The following TMTC1 variants were observed in gnomAD, a reference collection of about 807,000 sequenced individuals.
The protein encoded by TMTC1 is transmembrane O-mannosyltransferase targeting cadherins 1, also known as protein O-mannosyl-transferase TMTC1.
Under a neutral mutation model 104.8 loss-of-function variants are expected in TMTC1, and 73 were observed. The observed-to-expected ratio is 0.70, with a 90% confidence interval of 0.58 to 0.85. The LOEUF (loss-of-function observed/expected upper bound fraction) is 0.85, where lower values mean the gene tolerates loss of function less well. Ranked by LOEUF, TMTC1 falls within the 40% of genes least tolerant of loss-of-function variation. The probability of loss-of-function intolerance (pLI) is 0.00; values close to 1 mark genes in which losing one functional copy is unlikely to be tolerated. For synonymous variants in TMTC1, 434 were observed against 428.7 expected (o/e 1.01, Z -0.15); for missense variants, 1,035 against 1,096.1 (o/e 0.94, Z 0.79).
At chr12:29,593,771 T>C (rs79964381) in intron 7 of TMTC1, among the ~76,000 whole-genome samples, 2,500 of 152,340 alleles carry the variant, frequency 0.016, 75 homozygotes, top group African/African-American at 0.057. Flanking sequence ...GAGGAAGCTT[T>C]TGCATTCAAA....
intron 10 of TMTC1, among the ~76,000 whole-genome samples, chr12:29,540,908 T>C (rs1238122117): frequency 6.6e-6 from 1 of 151,730 alleles, no homozygotes; most frequent in African/African-American, 2.4e-5. Flanking sequence ...GGCAGGAGAA[T>C]GGCGTGAACC....
At chr12:29,621,976 G>A (rs575094649) in intron 6 of TMTC1, among the ~76,000 whole-genome samples, 181 of 152,134 alleles carry the variant, frequency 1.2e-3, no homozygotes, top group African/African-American at 4.0e-3. Context: ...GTTTTCTGGG[G>A]CTCGGTGCCA....
At chr12:29,623,936 C>T (rs1937828391) in intron 6 of TMTC1, among the ~76,000 whole-genome samples, 1 of 152,170 alleles carries the variant, frequency 6.6e-6, no homozygotes, top group Non-Finnish European at 1.5e-5. Flanking sequence ...CTCCTGCACT[C>T]CATGGACACA....
At chr12:29,714,656 A>AC (rs35825692) in intron 5 of TMTC1, among the ~76,000 whole-genome samples, 2,448 of 152,198 alleles carry the variant, frequency 0.016, 211 homozygotes, top group Admixed American at 0.14. Context: ...GATCTGGGGT[A>AC]CCCCCCCTGG....
chr12:29,532,429 G>T (rs1944530043), intron 11 of TMTC1: 1 of 151,900 alleles, frequency 6.6e-6, no homozygotes, highest in Non-Finnish European at 1.5e-5. Flanking sequence ...TGCCACAAAA[G>T]AAAATAAAAA....
At chr12:29,782,876 G>C (rs1943865704) in intron 1 of TMTC1, 1 of 152,356 alleles carries the variant, frequency 6.6e-6, no homozygotes, top group Non-Finnish European at 1.5e-5. Context: ...TCTGGGAGCA[G>C]CCAAGGGTGC....
chr12:29,768,565 G>A (rs1943527036), intron 1 of TMTC1, among the ~76,000 whole-genome samples: 1 of 152,148 alleles, frequency 6.6e-6, no homozygotes. Context: ...CACCCATGGT[G>A]CCACCAGGAA....
rs71444341 is a variant in TMTC1, at chr12:29,745,618, C to CAAAAAAAAAA, written c.938+6038_938+6047dup. Among the ~76,000 whole-genome samples the CAAAAAAAAAA allele has an allele frequency of 5.0e-4, 42 of 84,484 alleles. 1 individual carries two copies. The highest frequency in any genetic ancestry group is 7.3e-4 in the East Asian group (2 of 2,736). The allele number at this position is 84,484 out of a possible 152,430, so 55.4% of individuals were successfully genotyped here. A position where few individuals can be genotyped will look rare whatever the true frequency, so the allele number is the denominator to read the frequency against. On this transcript the variant is annotated intron_variant, in intron 5 of 17. Transcript: ENST00000539277. ...CCTGAGCAACAGAGCGAGACTCAAT[C>CAAAAAAAAAA]AAAAAAAAAAAAAAAAAAAAAGAAA... is the stretch of plus-strand genomic sequence containing the variant.
chr12:29,558,434 T>C (rs1002802266), intron 9 of TMTC1, among the ~76,000 whole-genome samples: 8 of 152,202 alleles, frequency 5.3e-5, no homozygotes, highest in Admixed American at 2.6e-4. Flanking sequence ...TGCTTTTTAA[T>C]CTTTGCTCTA....
At chr12:29,710,937 AATATATAAATAT>A (rs1362708726) in intron 5 of TMTC1, among the ~76,000 whole-genome samples, 1 of 16,686 alleles carries the variant, frequency 6.0e-5, no homozygotes, top group Admixed American at 6.6e-4. Flanking sequence ...ATATATTAAT[AATATATAAATAT>A]ATATATAAAT....
At chr12:29,569,334 C>T (rs1945603978) in intron 9 of TMTC1, among the ~76,000 whole-genome samples, 2 of 152,132 alleles carry the variant, frequency 1.3e-5, no homozygotes, top group African/African-American at 4.8e-5. Context: ...AGGTACAGCC[C>T]TTATGATTAA....
intron 5 of TMTC1, among the ~76,000 whole-genome samples, chr12:29,719,899 C>G (rs911837897): frequency 8.5e-5 from 13 of 152,146 alleles, no homozygotes; most frequent in Non-Finnish European, 1.8e-4. Context: ...ATTGCCAGAA[C>G]AAGAAATTCA....
At chr12:29,733,524 C>G (rs993955766) in intron 5 of TMTC1, among the ~76,000 whole-genome samples, 2 of 152,188 alleles carry the variant, frequency 1.3e-5, no homozygotes, top group South Asian at 4.1e-4. Context: ...GAGCTGACAG[C>G]CATTTTAGTG....
intron 6 of TMTC1, among the ~76,000 whole-genome samples, chr12:29,609,177 A>G (rs1946779241): frequency 6.6e-6 from 1 of 152,220 alleles, no homozygotes; most frequent in African/African-American, 2.4e-5. Flanking sequence ...TTAGGGTACA[A>G]GTATGTTCAC....
At chr12:29,636,008 G>A (rs996510479) in intron 5 of TMTC1, among the ~76,000 whole-genome samples, 7 of 152,242 alleles carry the variant, frequency 4.6e-5, no homozygotes, top group Non-Finnish European at 1.0e-4. Context: ...ATTGGAAAGA[G>A]GCAGAATTGG....
chr12:29,782,506 CAACA>C, intron 1 of TMTC1, among the ~76,000 whole-genome samples: 1 of 152,290 alleles, frequency 6.6e-6, no homozygotes, highest in East Asian at 1.9e-4. Flanking sequence ...AATATTATTT[CAACA>C]GTTTTGACCG....
chr12:29,722,212 T>C (rs1252929430), intron 5 of TMTC1, among the ~76,000 whole-genome samples: 4 of 152,228 alleles, frequency 2.6e-5, no homozygotes, highest in Non-Finnish European at 5.9e-5. Context: ...ACTGCTAGTG[T>C]ATAATGTGCA....
chr12:29,588,756 G>A (rs896184199), intron 7 of TMTC1, among the ~76,000 whole-genome samples: 1 of 152,164 alleles, frequency 6.6e-6, no homozygotes, highest in African/African-American at 2.4e-5. Context: ...ACTGACATTT[G>A]AGAAAGACCT....
intron 15 of TMTC1, 107 bp downstream of exon 15, chr12:29,516,242 G>A: frequency 7.3e-7 from 1 of 1,377,814 alleles, no homozygotes; most frequent in Non-Finnish European, 9.8e-7. Flanking sequence ...TGACGGATAA[G>A]ATTTAAGATT....
Sources: gnomAD v4.1 joint callset for allele counts (sites outside exome capture counted in the v4.1 genomes callset) on GRCh38, gnomAD v4.1.1 for gene constraint, MANE v1.5 for transcripts, NCBI Gene and HGNC (gene_info 2026-07-23, HGNC 2026-07-21) for gene names.